HRH1: variants seen among roughly 807,000 people sequenced by gnomAD.
The protein encoded by HRH1 is histamine H1 receptor.
A neutral mutation model predicts 10.3 loss-of-function variants in HRH1; 6 were observed. The observed-to-expected ratio is 0.58, with a 90% CI of 0.32 to 1.15. HRH1 has a LOEUF of 1.15. Ranked by LOEUF, HRH1 falls within the 50% of genes most tolerant of loss-of-function variation. The pLI, the probability that HRH1 is intolerant of heterozygous loss-of-function variation, is 0.05. For missense variants in HRH1, 514 were observed against 615.3 expected, an observed-to-expected ratio of 0.84 and a Z score of 1.74; for synonymous variants, 242 against 236.7, an observed-to-expected ratio of 1.02 and a Z score of -0.21.
At chr3:11,252,474 A>G (rs1939677471) in intron 1 of HRH1, among the ~76,000 whole-genome samples, 1 of 152,162 alleles carries the variant, frequency 6.6e-6, no homozygotes. Flanking sequence ...ATATTTGACT[A>G]AGTAAATATG....
Position 11,176,201 on chromosome 3 carries a change from A to G in HRH1, c.-36+21647A>G, listed in dbSNP as rs146314686. On this transcript the variant is annotated intron_variant, in intron 1 of 1. Transcript: ENST00000431010. ...AAAAAAAGAGAGAAATTCAGAGTAG[A>G]TTAAAACTGTGTAATGAGTTTTTGC... 3.8e-3 allele frequency among the ~76,000 whole-genome samples: 572 copies of G among 151,850 alleles called. 7 individuals are homozygous for G. Among genetic ancestry groups the G allele is most frequent in the African/African-American group, 0.013 (553 of 41,312 alleles).
At chr3:11,227,385 C>T (rs1245955527) in intron 1 of HRH1, among the ~76,000 whole-genome samples, 1 of 151,732 alleles carries the variant, frequency 6.6e-6, no homozygotes, top group South Asian at 2.1e-4. Flanking sequence ...CTCCCTGGTT[C>T]AAGCAATTCT....
At chr3:11,226,835 C>T (rs1262155042) in intron 1 of HRH1, among the ~76,000 whole-genome samples, 3 of 150,332 alleles carry the variant, frequency 2.0e-5, no homozygotes, top group South Asian at 4.2e-4. Context: ...CGTAGTGAGC[C>T]GAGATGGCAC....
At chr3:11,248,451 T>C (rs182391116) in intron 1 of HRH1, among the ~76,000 whole-genome samples, 215 of 152,310 alleles carry the variant, frequency 1.4e-3, no homozygotes, top group Middle Eastern at 3.4e-3. Flanking sequence ...GACGTGTCTC[T>C]TTTTACAATA....
At chr3:11,186,002 C>G (rs557906726) in intron 1 of HRH1, among the ~76,000 whole-genome samples, 19 of 152,244 alleles carry the variant, frequency 1.2e-4, no homozygotes, top group Non-Finnish European at 1.8e-4. Context: ...CCTCCAGCCC[C>G]CTCCAACCCC....
At chr3:11,181,668 G>C (rs528516441) in intron 1 of HRH1, among the ~76,000 whole-genome samples, 1 of 125,436 alleles carries the variant, frequency 8.0e-6, no homozygotes, top group Non-Finnish European at 1.5e-5. Context: ...GTCTCGCTCC[G>C]TCGCCCAGGC....
upstream of HRH1, among the ~76,000 whole-genome samples, chr3:11,153,461 C>G (rs989450859): frequency 6.6e-6 from 1 of 152,152 alleles, no homozygotes; most frequent in African/African-American, 2.4e-5. Context: ...GGGACTGCTG[C>G]TACTGGGAGG....
intron 1 of HRH1, among the ~76,000 whole-genome samples, chr3:11,166,478 G>C (rs1200687558): frequency 2.6e-5 from 4 of 152,212 alleles, no homozygotes; most frequent in African/African-American, 9.6e-5. Flanking sequence ...TTCCTGCCCT[G>C]GTGAGGCCTA....
At chr3:11,238,887 G>A (rs1406070056) in intron 1 of HRH1, among the ~76,000 whole-genome samples, 1 of 152,144 alleles carries the variant, frequency 6.6e-6, no homozygotes, top group African/African-American at 2.4e-5. Flanking sequence ...TTGACAAATG[G>A]ACCACATTTT....
At chr3:11,144,995 G>A (rs1272403910) in intron 1 of HRH1, among the ~76,000 whole-genome samples, 3 of 152,046 alleles carry the variant, frequency 2.0e-5, no homozygotes, top group East Asian at 1.9e-4. Context: ...CTCCTGTCCC[G>A]CTATACTGCT....
chr3:11,224,424 G>A (rs55823914), intron 1 of HRH1, among the ~76,000 whole-genome samples: 10,475 of 152,232 alleles, frequency 0.069, 504 homozygotes, highest in South Asian at 0.14. Context: ...AGGGCCGGGC[G>A]CGGTGGCTCA....
intron 1 of HRH1, among the ~76,000 whole-genome samples, chr3:11,229,567 A>C (rs1460446395): frequency 6.6e-6 from 1 of 152,176 alleles, no homozygotes; most frequent in African/African-American, 2.4e-5. Flanking sequence ...CTTAACTTGT[A>C]TATTTCAGTC....
intron 1 of HRH1, among the ~76,000 whole-genome samples, chr3:11,244,891 A>G (rs1381213627): frequency 2.6e-5 from 4 of 152,210 alleles, no homozygotes. Flanking sequence ...GATACCTGGC[A>G]GTGTCTGGTA....
intron 1 of HRH1, among the ~76,000 whole-genome samples, chr3:11,249,504 C>T (rs1939582419): frequency 6.6e-6 from 1 of 151,460 alleles, no homozygotes; most frequent in Non-Finnish European, 1.5e-5. Context: ...CCTATAGGGT[C>T]TGTCCCTGAG....
chr3:11,217,384 C>A (rs1287529826), intron 1 of HRH1, among the ~76,000 whole-genome samples: 1 of 151,970 alleles, frequency 6.6e-6, no homozygotes, highest in Non-Finnish European at 1.5e-5. Context: ...CAAAAATTAT[C>A]CCGGCATGAT....
At chr3:11,172,704 C>CTTTTTTTT (rs537415650) in intron 1 of HRH1, among the ~76,000 whole-genome samples, 12,950 of 129,606 alleles carry the variant, frequency 0.1, 926 homozygotes, top group East Asian at 0.24. Context: ...TTTGGCGAAT[C>CTTTTTTTT]TTTTTTTTTT....
intron 1 of HRH1, among the ~76,000 whole-genome samples, chr3:11,222,828 A>C (rs1230153801): frequency 6.6e-6 from 1 of 152,158 alleles, no homozygotes. Flanking sequence ...ATTCAAGCGC[A>C]TTAAATAATA....
chr3:11,230,627 T>G (rs1047920968), intron 1 of HRH1, among the ~76,000 whole-genome samples: 3 of 152,160 alleles, frequency 2.0e-5, no homozygotes, highest in African/African-American at 7.2e-5. Flanking sequence ...TCAGACCTCC[T>G]GAGCCATTTT....
chr3:11,251,770 AC>A (rs1337195954), intron 1 of HRH1, among the ~76,000 whole-genome samples: 1 of 152,190 alleles, frequency 6.6e-6, no homozygotes, highest in Non-Finnish European at 1.5e-5. Context: ...TCAGTAAGCA[AC>A]CTTTCTGCCT....
Sources: gnomAD v4.1 joint callset for allele counts (sites outside exome capture counted in the v4.1 genomes callset) on GRCh38, gnomAD v4.1.1 for gene constraint, MANE v1.5 for transcripts, NCBI Gene and HGNC (gene_info 2026-07-23, HGNC 2026-07-21) for gene names.